Variants in SORL1 observed in about 807,000 individuals in gnomAD.
SORL1 encodes the protein sortilin-related receptor.
A neutral mutation model predicts 273.7 loss-of-function variants in SORL1; 127 were observed. The ratio of observed to expected loss-of-function variants is 0.46; its 90% CI spans 0.40 to 0.54. The LOEUF (loss-of-function observed/expected upper bound fraction) is 0.54, where lower values mean the gene tolerates loss of function less well. Ranked by LOEUF, SORL1 falls within the 20% of genes least tolerant of loss-of-function variation. SORL1 has a pLI of 0.00. For synonymous variants in SORL1, 1,031 were observed against 1,067.4 expected (o/e 0.97, Z 0.66); for missense variants, 2,494 against 2,846.1 (o/e 0.88, Z 2.81).
At position 121,611,100 on chromosome 11, in the gene SORL1, T is replaced by C. The variant is rs765805611; in HGVS notation, c.5264T>C (p.Ile1755Thr). 6.2e-7 allele frequency: 1 copy of C among 1,613,530 alleles called. No homozygotes were observed. The highest frequency in any genetic ancestry group is 1.7e-5 in the Admixed American group (1 of 60,026). Residue 1755 changes from isoleucine (I) to threonine (T), a missense_variant, in exon 39 of 48, where the codon ATT becomes ACT. Physicochemically the swap from Ile to Thr is moderately conservative, Grantham distance 89 (BLOSUM62 -1). This residue lies in a region of SORL1 where 1,609 missense variants were observed against 1,816.4 expected (regional missense o/e 0.89). Coordinates refer to ENST00000260197, the MANE Select transcript of SORL1 (RefSeq NM_003105.6). ...GTGATCCCACCACCAGATATCCACA[T>C]TGACAGCTATGGTGAAAATTATCTA... ...GKVIPPPDIH[I>T]DSYGENYLSF...
intron 8 of SORL1, among the ~76,000 whole-genome samples, chr11:121,520,307 C>T (rs1862020394): frequency 6.6e-6 from 1 of 152,142 alleles, no homozygotes; most frequent in South Asian, 2.1e-4. Flanking sequence ...TGTGGATGAA[C>T]CTTGAAAGCA....
At chr11:121,590,831 C>G (rs180837233) in intron 30 of SORL1, 170 bp from the exon 31 acceptor site, 12 of 787,304 alleles carry the variant, frequency 1.5e-5, no homozygotes, top group African/African-American at 1.5e-4. Context: ...TTCTGACAAC[C>G]CATTATACAT....
intron 1 of SORL1, among the ~76,000 whole-genome samples, chr11:121,455,925 G>A (rs1011447271): frequency 2.0e-5 from 3 of 151,948 alleles, no homozygotes; most frequent in Admixed American, 2.0e-4. Flanking sequence ...CCCCGGAGGC[G>A]GAGGTTGCAG....
At chr11:121,533,320 A>G (rs1862227779) in intron 12 of SORL1, among the ~76,000 whole-genome samples, 1 of 152,202 alleles carries the variant, frequency 6.6e-6, no homozygotes, top group South Asian at 2.1e-4. Flanking sequence ...CAGGCTCAGC[A>G]AGGCAAAGTA....
intron 39 of SORL1, chr11:121,612,023 C>G (rs535250890): frequency 6.6e-6 from 1 of 152,374 alleles, no homozygotes; most frequent in Non-Finnish European, 1.5e-5. Flanking sequence ...TGCCTGTAAT[C>G]CCAGCTACTT....
At chr11:121,524,695 G>A (rs984520807) in intron 11 of SORL1, among the ~76,000 whole-genome samples, 1 of 152,094 alleles carries the variant, frequency 6.6e-6, no homozygotes, top group Non-Finnish European at 1.5e-5. Flanking sequence ...CTGATCCTCA[G>A]AATTCCTTTT....
In SORL1 at chr11:121,588,083, C is replaced by T. The variant is rs914918804; in HGVS notation, c.3878C>T (p.Ser1293Phe). 1 of 1,613,954 alleles carries T rather than the reference C, an allele frequency of 6.2e-7. No individual in the cohort carries two copies. The highest frequency in any genetic ancestry group is 1.1e-5 in the South Asian group (1 of 91,072). Residue 1293 changes from serine to phenylalanine, a missense_variant, in exon 28 of 48, where the codon TCC becomes TTC. By Grantham distance (155) the Ser-to-Phe change is radical. Coordinates refer to ENST00000260197, the MANE Select transcript of SORL1 (RefSeq NM_003105.6). Reference protein sequence around the residue: ...CKNRQQCLFHSMVCDGIIQCR... With the variant: ...CKNRQQCLFHFMVCDGIIQCR... ...AACCGCCAGCAGTGCCTGTTCCACT[C>T]CATGGTCTGTGACGGAATCATCCAG...
intron 18 of SORL1, among the ~76,000 whole-genome samples, chr11:121,555,831 C>T (rs1341070839): frequency 6.6e-6 from 1 of 152,138 alleles, no homozygotes; most frequent in Non-Finnish European, 1.5e-5. Flanking sequence ...CTTATATACC[C>T]AAGGCAAGGA....
chr11:121,566,263 T>G (rs1179827694), intron 21 of SORL1, among the ~76,000 whole-genome samples: 1 of 152,204 alleles, frequency 6.6e-6, no homozygotes, highest in East Asian at 1.9e-4. Context: ...CTCTTTCTTT[T>G]TAAAAAAAAA....
At chr11:121,534,773 G>A (rs1862245869) in intron 12 of SORL1, among the ~76,000 whole-genome samples, 1 of 152,210 alleles carries the variant, frequency 6.6e-6, no homozygotes, top group Non-Finnish European at 1.5e-5. Flanking sequence ...CCATGCACAA[G>A]GACAGGTGGC....
chr11:121,566,748 A>G, intron 21 of SORL1, 192 bp from the exon 22 acceptor site: 1 of 540,358 alleles, frequency 1.9e-6, no homozygotes, highest in Non-Finnish European at 3.3e-6. Flanking sequence ...TGAAGACAGG[A>G]TGCAAGTCAC....
intron 16 of SORL1, among the ~76,000 whole-genome samples, chr11:121,553,139 C>T (rs1450167405): frequency 1.3e-5 from 2 of 152,132 alleles, no homozygotes; most frequent in African/African-American, 4.8e-5. Flanking sequence ...ATCCAGAGTG[C>T]CTGGGTTCCA....
intron 1 of SORL1, chr11:121,453,002 A>G (rs574982967): frequency 1.1e-5 from 2 of 186,178 alleles, no homozygotes; most frequent in South Asian, 1.7e-4. Flanking sequence ...GTACACTTAC[A>G]CAGAACAGCA....
intron 33 of SORL1, 59 bp downstream of exon 33, chr11:121,604,383 C>G: frequency 6.3e-7 from 1 of 1,591,904 alleles, no homozygotes; most frequent in Non-Finnish European, 8.5e-7. Context: ...TCGCTTACCC[C>G]AGGGCCCCTC....
intron 13 of SORL1, among the ~76,000 whole-genome samples, chr11:121,544,902 G>C (rs143989927): frequency 9.5e-4 from 145 of 152,294 alleles, no homozygotes; most frequent in African/African-American, 3.2e-3. Context: ...TGCTCATCAA[G>C]GATTCAGCTG....
At chr11:121,611,571 A>G (rs1349432067) in intron 39 of SORL1, 1 of 155,608 alleles carries the variant, frequency 6.4e-6, no homozygotes, top group African/African-American at 2.4e-5. Flanking sequence ...AAACATATTC[A>G]CTTTCCATCC....
At position 121,621,069 on chromosome 11, in the gene SORL1, T is replaced by G; in HGVS notation, c.5895T>G (p.Tyr1965Ter). The stretch of plus-strand genomic sequence containing the variant: ...TTGTTCTTTTTTGGTCCTAGTTGTA[T>G]GCAGTTGCAGTCAAAGATCTCATAA... ...PYDSPDQDLLYAVAVKDLIRK... is the reference protein window; with the variant it reads ...PYDSPDQDLL Residue 1965 changes from tyrosine (Y) to a stop codon, truncating the protein, a stop_gained, in exon 44 of 48, where the codon TAT becomes TAG. Transcript: ENST00000260197. LOFTEE classifies it high-confidence loss of function. 6.2e-7 allele frequency: 1 copy of G among 1,606,414 alleles called. No homozygotes were observed. Among genetic ancestry groups the G allele is most frequent in the African/African-American group, 1.3e-5 (1 of 74,674 alleles).
intron 1 of SORL1, among the ~76,000 whole-genome samples, chr11:121,455,421 C>T (rs887812625): frequency 7.9e-5 from 12 of 152,110 alleles, no homozygotes; most frequent in African/African-American, 2.9e-4. Context: ...GGAAGCAGGC[C>T]TAGAGGCGAT....
At chr11:121,621,704 T>A (rs1863725637) in intron 44 of SORL1, among the ~76,000 whole-genome samples, 1 of 152,240 alleles carries the variant, frequency 6.6e-6, no homozygotes, top group Non-Finnish European at 1.5e-5. Context: ...GAGCTGGTAG[T>A]AAGCTCCGTT....
Sources: allele counts gnomAD v4.1 joint callset (sites outside exome capture counted in the v4.1 genomes callset), GRCh38; gene constraint gnomAD v4.1.1; regional missense constraint gnomAD v4.1.1; transcripts MANE v1.5; gene names NCBI Gene and HGNC (gene_info 2026-07-23, HGNC 2026-07-21).